LRP8: variants seen among roughly 807,000 people sequenced by gnomAD.
LRP8 encodes low-density lipoprotein receptor-related protein 8.
In LRP8, 46 loss-of-function variants were observed where a neutral mutation model predicts 111.6. That is an observed-to-expected ratio of 0.41 (90% CI 0.33 to 0.53). The LOEUF (loss-of-function observed/expected upper bound fraction) is 0.53, where lower values mean the gene tolerates loss of function less well. Ranked by LOEUF, LRP8 falls within the 20% of genes least tolerant of loss-of-function variation. The pLI is 0.20. For synonymous variants in LRP8, 464 were observed against 511.2 expected (o/e 0.91, Z 1.24); for missense variants, 959 against 1,297.4 (o/e 0.74, Z 4.01).
At chr1:53,256,224 C>G (rs1456888619) in intron 15 of LRP8, among the ~76,000 whole-genome samples, 1 of 152,266 alleles carries the variant, frequency 6.6e-6, no homozygotes, top group African/African-American at 2.4e-5. Flanking sequence ...GGCCCATCCT[C>G]TCTCAATGTG....
chr1:53,299,563 G>A (rs1650413246), intron 2 of LRP8, among the ~76,000 whole-genome samples: 1 of 152,186 alleles, frequency 6.6e-6, no homozygotes, highest in Non-Finnish European at 1.5e-5. Flanking sequence ...GGAGGCTGGT[G>A]TGAGCTCTCT....
At chr1:53,268,441 T>A (rs1198711262) in intron 8 of LRP8, 1 of 152,240 alleles carries the variant, frequency 6.6e-6, no homozygotes, top group Non-Finnish European at 1.5e-5. Context: ...GTGTTCTATA[T>A]GGGGGCAAGA....
chr1:53,275,823 A>T lies in LRP8; in HGVS notation c.884-70T>A. 2 of 1,555,460 alleles carry T rather than the reference A, an allele frequency of 1.3e-6. No individual in the cohort carries two copies. The highest frequency in any genetic ancestry group is 1.7e-6 in the Non-Finnish European group (2 of 1,147,738). ...CTAGGACAATTTCCCCACCACCCCA[A>T]TCCCCATGCCATAGCCACCCCCAGC... On this transcript the variant is annotated intron_variant, in intron 5 of 18. Coordinates refer to ENST00000306052, the MANE Select transcript of LRP8 (RefSeq NM_004631.5). This position sits in a 1 kb window ranked among gnomAD's most constrained non-coding sequence, Gnocchi z 4.4.
At chr1:53,287,835 G>T (rs991858299) in intron 3 of LRP8, among the ~76,000 whole-genome samples, 2 of 152,250 alleles carry the variant, frequency 1.3e-5, no homozygotes, top group South Asian at 2.1e-4. Flanking sequence ...CACATGAGTA[G>T]GGCAGTGAGA....
chr1:53,298,475 A>T (rs1049597349), intron 2 of LRP8, among the ~76,000 whole-genome samples: 2 of 152,180 alleles, frequency 1.3e-5, no homozygotes, highest in African/African-American at 4.8e-5. Flanking sequence ...CACGCTGAGA[A>T]GATGACCACG....
At chr1:53,290,702 C>CA (rs1249165329) in intron 2 of LRP8, among the ~76,000 whole-genome samples, 1 of 152,158 alleles carries the variant, frequency 6.6e-6, no homozygotes, top group Non-Finnish European at 1.5e-5. Context: ...GATGGATGCC[C>CA]ATGTCATAAG....
At chr1:53,265,523 A>C (rs891798002) in intron 9 of LRP8, among the ~76,000 whole-genome samples, 4 of 152,172 alleles carry the variant, frequency 2.6e-5, no homozygotes, top group African/African-American at 4.8e-5. Flanking sequence ...AAAATTCACT[A>C]TGAAGGAGTA....
chr1:53,248,640 T>C (rs914283273), intron 18 of LRP8, among the ~76,000 whole-genome samples: 1 of 152,220 alleles, frequency 6.6e-6, no homozygotes, highest in Admixed American at 6.5e-5. Context: ...ATTATGAAGA[T>C]TAAATGAGAA....
Position 53,294,866 on chromosome 1 carries a change from C to T in LRP8, c.245-5177G>A, listed in dbSNP as rs183642102. On this transcript the variant is annotated intron_variant, in intron 2 of 18. Coordinates refer to ENST00000306052, the MANE Select transcript of LRP8 (RefSeq NM_004631.5). The surrounding 1 kb of genome is among the most constrained non-coding windows in gnomAD (Gnocchi z 4.1). ...CTTCCCATGCTGCTCCCCACCCACA[C>T]GCATCGTGGAGCCCCGGTGCAGAGA... Among the ~76,000 whole-genome samples, 8 of 152,372 alleles carry T rather than the reference C, an allele frequency of 5.3e-5. No individual in the cohort carries two copies. The highest frequency in any genetic ancestry group is 4.6e-4 in the Admixed American group (7 of 15,312).
intron 2 of LRP8, 47 bp from the exon 3 acceptor site, chr1:53,289,736 G>A (rs755218672): frequency 5.2e-5 from 83 of 1,607,708 alleles, no homozygotes; most frequent in Non-Finnish European, 6.5e-5. Context: ...GCAGTCAGGA[G>A]GGTGGTGGGC....
At chr1:53,276,235 G>A (rs1489037318) in intron 5 of LRP8, among the ~76,000 whole-genome samples, 4 of 152,148 alleles carry the variant, frequency 2.6e-5, no homozygotes. Flanking sequence ...GGAATGCTCA[G>A]ATGGGGACAT....
At chr1:53,327,224 G>A (rs935898368) in intron 1 of LRP8, 3 of 574,958 alleles carry the variant, frequency 5.2e-6, no homozygotes, top group African/African-American at 3.8e-5. Context: ...AGTGTCACAC[G>A]ACCTGGGTAT....
At chr1:53,318,292 G>C (rs1330057133) in intron 2 of LRP8, among the ~76,000 whole-genome samples, 1 of 151,272 alleles carries the variant, frequency 6.6e-6, no homozygotes, top group Non-Finnish European at 1.5e-5. Context: ...AACACCGCTC[G>C]TTGTTCTCTC....
rs775487942 is a variant in LRP8, at chr1:53,266,692, C to G, written c.1253-45G>C. Reference sequence around the variant, plus strand: ...AAAGAGAAAGAGTCAGTGCAAGAGGCAGGGAGCCTGGAGACCAAGACTCTG... The same window carrying G: ...AAAGAGAAAGAGTCAGTGCAAGAGGGAGGGAGCCTGGAGACCAAGACTCTG... On this transcript the variant is annotated intron_variant, in intron 8 of 18. Coordinates refer to ENST00000306052, the MANE Select transcript of LRP8 (RefSeq NM_004631.5). This position sits in a 1 kb window ranked among gnomAD's most constrained non-coding sequence, Gnocchi z 5.0. The G allele has an allele frequency of 3.2e-6, 5 of 1,585,588 alleles. No individual in the cohort carries two copies. The highest frequency in any genetic ancestry group is 4.3e-6 in the Non-Finnish European group (5 of 1,156,644).
intron 2 of LRP8, among the ~76,000 whole-genome samples, chr1:53,318,179 G>A (rs1223852642): frequency 1.3e-5 from 2 of 152,160 alleles, no homozygotes; most frequent in African/African-American, 2.4e-5. Context: ...AGAACGCTGC[G>A]GAGGAGATGC....
At chr1:53,327,105 G>A in intron 1 of LRP8, 113 bp from the exon 2 acceptor site, 2 of 1,443,442 alleles carry the variant, frequency 1.4e-6, no homozygotes, top group African/African-American at 2.8e-5. Flanking sequence ...GGCGATTATG[G>A]AGACCCCGGG....
Position 53,260,482 on chromosome 1 carries a change from C to T in LRP8, c.2038G>A (p.Glu680Lys), listed in dbSNP as rs756453748. 98 of 1,614,038 alleles carry T rather than the reference C, an allele frequency of 6.1e-5. No individual in the cohort carries two copies. Among genetic ancestry groups the T allele is most frequent in the Non-Finnish European group, 8.1e-5 (95 of 1,180,042 alleles). Residue 680 changes from glutamate (E) to lysine (K), a missense_variant, in exon 13 of 19, where the codon GAG becomes AAG. Glu to Lys is a moderately conservative substitution (Grantham distance 56). Transcript: ENST00000306052. Reference sequence around the variant, plus strand: ...AGCTCACCTCTTGGCTGCTTCAGCTCATGGAAGATGACAATGTCATGTGGG... The same window carrying T: ...AGCTCACCTCTTGGCTGCTTCAGCTTATGGAAGATGACAATGTCATGTGGG... ...NNPHDIVIFHELKQPRAPDAC... is the reference protein window; with the variant it reads ...NNPHDIVIFHKLKQPRAPDAC...
At chr1:53,261,923 G>C in intron 12 of LRP8, 145 bp downstream of exon 12, 2 of 981,834 alleles carry the variant, frequency 2.0e-6, no homozygotes, top group Non-Finnish European at 3.0e-6. Context: ...TGTGCAGGCA[G>C]CTCACAGATT....
chr1:53,249,316 T>C lies in LRP8; in HGVS notation c.2853+64A>G. 6.5e-7 allele frequency: 1 copy of C among 1,543,282 alleles called. No homozygotes were observed. The highest frequency in any genetic ancestry group is 8.8e-7 in the Non-Finnish European group (1 of 1,139,742). On this transcript the variant is annotated intron_variant, in intron 18 of 18. Coordinates refer to ENST00000306052, the MANE Select transcript of LRP8 (RefSeq NM_004631.5). The surrounding 1 kb of genome is among the most constrained non-coding windows in gnomAD (Gnocchi z 4.1). ...AACCAGAAAGCCTTCTAGGATTGGCTGCGCCTGCCTTGGTTCATGCCCTCA... is the reference window on the plus strand; with the variant it reads ...AACCAGAAAGCCTTCTAGGATTGGCCGCGCCTGCCTTGGTTCATGCCCTCA...
Sources: gnomAD v4.1 joint callset for allele counts (sites outside exome capture counted in the v4.1 genomes callset) on GRCh38, gnomAD v4.1.1 for gene constraint, Gnocchi (gnomAD v3.1) non-coding constraint, MANE v1.5 for transcripts, NCBI Gene and HGNC (gene_info 2026-07-23, HGNC 2026-07-21) for gene names.